KIAA1210: variants seen among roughly 807,000 people sequenced by gnomAD.
KIAA1210 encodes the protein acrosomal protein KIAA1210.
In KIAA1210, 48 loss-of-function variants were observed where a neutral mutation model predicts 78.9. That is an observed-to-expected ratio of 0.61 (90% CI 0.48 to 0.77). The LOEUF (loss-of-function observed/expected upper bound fraction) is 0.77, where lower values mean the gene tolerates loss of function less well. Ranked by LOEUF, KIAA1210 falls within the 30% of genes least tolerant of loss-of-function variation. The pLI is 0.00. For missense variants in KIAA1210, 1,108 were observed against 1,100.0 expected, an observed-to-expected ratio of 1.01 and a Z score of -0.10; for synonymous variants, 406 against 404.5, an observed-to-expected ratio of 1.00 and a Z score of -0.04.
chrX:119,091,436 T>A (rs1306343860), intron 8 of KIAA1210, among the ~76,000 whole-genome samples: 1 of 112,443 alleles, frequency 8.9e-6, no homozygotes, highest in Non-Finnish European at 1.9e-5. Flanking sequence ...CATATGTTTA[T>A]TGAAGCACAA....
intron 8 of KIAA1210, 51 bp downstream of exon 8, chrX:119,093,616 G>A: frequency 1.1e-6 from 1 of 945,353 alleles, no homozygotes; most frequent in Non-Finnish European, 1.5e-6. Context: ...ATAGCACTGT[G>A]CAATGAAGTC....
At chrX:119,096,400 T>G in intron 7 of KIAA1210, 94 bp downstream of exon 7, 7 of 841,275 alleles carry the variant, frequency 8.3e-6, no homozygotes, top group Admixed American at 3.1e-5. Context: ...ATGAGTCTCC[T>G]ACACCATACT....
intron 1 of KIAA1210, among the ~76,000 whole-genome samples, chrX:119,148,650 C>T (rs1450885555): frequency 9.0e-6 from 1 of 111,443 alleles, no homozygotes; most frequent in African/African-American, 3.3e-5. Context: ...TTATCTTGAA[C>T]AAGATCTATA....
upstream of KIAA1210, among the ~76,000 whole-genome samples, chrX:119,150,838 A>G (rs1929282662): frequency 8.9e-6 from 1 of 112,313 alleles, no homozygotes; most frequent in Non-Finnish European, 1.9e-5. Flanking sequence ...CGAGAGCACC[A>G]TTTGGGCGGT....
At chrX:119,140,348 G>GT (rs1173343823) in intron 2 of KIAA1210, among the ~76,000 whole-genome samples, 1 of 109,440 alleles carries the variant, frequency 9.1e-6, no homozygotes, top group Non-Finnish European at 1.9e-5. Flanking sequence ...GGCCGACATG[G>GT]TGAAACCCCA....
chrX:119,111,828 T>C (rs1189046362), intron 3 of KIAA1210, among the ~76,000 whole-genome samples: 3 of 111,609 alleles, frequency 2.7e-5, no homozygotes, highest in African/African-American at 9.8e-5. Flanking sequence ...AGAAAAAACA[T>C]AGGAGTAAAT....
At chrX:119,083,578 A>G (rs1296375395) in intron 10 of KIAA1210, among the ~76,000 whole-genome samples, 1 of 112,399 alleles carries the variant, frequency 8.9e-6, no homozygotes, top group Non-Finnish European at 1.9e-5. Context: ...CATTTCTCAC[A>G]TTAGAAAGTA....
intron 2 of KIAA1210, among the ~76,000 whole-genome samples, chrX:119,135,880 C>A (rs1928900982): frequency 9.0e-6 from 1 of 111,091 alleles, no homozygotes; most frequent in South Asian, 3.8e-4. Flanking sequence ...ATGTTGAAAC[C>A]CCGTCTCTAC....
At chrX:119,127,338 A>G (rs1325165296) in intron 1 of KIAA1210, among the ~76,000 whole-genome samples, 1 of 103,059 alleles carries the variant, frequency 9.7e-6, no homozygotes, top group Non-Finnish European at 1.9e-5. Context: ...ATAGAAAGGG[A>G]AAAAAAAAAC....
upstream of KIAA1210, among the ~76,000 whole-genome samples, chrX:119,128,571 C>G (rs899654884): frequency 2.7e-5 from 3 of 111,968 alleles, no homozygotes; most frequent in Admixed American, 2.8e-4. Flanking sequence ...TTGCATCATT[C>G]AAGCATCCAA....
chrX:119,145,806 G>A (rs1603273618), intron 2 of KIAA1210, among the ~76,000 whole-genome samples: 1 of 111,922 alleles, frequency 8.9e-6, no homozygotes, highest in South Asian at 3.8e-4. Context: ...AATTGAATGG[G>A]CTGTTTTAAT....
rs781683662 is a variant in KIAA1210 at position 119,086,898 on chromosome X, C to T, written c.3804G>A (p.Gly1268=). 5 of 1,211,172 alleles carry T rather than the reference C, an allele frequency of 4.1e-6. No individual in the cohort carries two copies. In the African/African-American group the frequency reaches 5.2e-5, roughly 13 times the overall value. The change falls in exon 9 of 12, where the codon GGG becomes GGA. Residue 1268 remains glycine, a synonymous_variant. Coordinates refer to ENST00000691062, the MANE Select transcript of KIAA1210 (RefSeq NM_001394962.1). ...GATCTTCTTTCTTAGAGTAAATGCC[C>T]CCAGAAGTGGATGTTTGCCTGACAG... ...IAPVRQTSTS[G]GIYSKKEDLE...
chrX:119,093,884 G>A (rs1277367263), intron 7 of KIAA1210, 109 bp from the exon 8 acceptor site: 2 of 865,453 alleles, frequency 2.3e-6, no homozygotes, highest in African/African-American at 2.0e-5. Flanking sequence ...TGCTGGGCAC[G>A]TAACAGTACC....
upstream of KIAA1210, among the ~76,000 whole-genome samples, chrX:119,151,024 A>C (rs1312185131): frequency 8.9e-6 from 1 of 112,543 alleles, no homozygotes; most frequent in African/African-American, 3.2e-5. Context: ...GCTGGGGTGC[A>C]TGGGAGCCCG....
chrX:119,108,627 G>C (rs1473906178), intron 4 of KIAA1210, among the ~76,000 whole-genome samples, 156 bp from the exon 5 acceptor site: 1 of 110,777 alleles, frequency 9.0e-6, no homozygotes, highest in African/African-American at 3.3e-5. Context: ...CACTTTGAGA[G>C]GCCAAGGCGG....
At chrX:119,105,428 C>T (rs1476569422) in intron 5 of KIAA1210, among the ~76,000 whole-genome samples, 2 of 112,128 alleles carry the variant, frequency 1.8e-5, no homozygotes, top group East Asian at 2.8e-4. Context: ...ATTGCTTGTT[C>T]GTGCAAGATC....
chrX:119,134,539 C>A (rs934865613), intron 2 of KIAA1210, among the ~76,000 whole-genome samples: 2 of 112,161 alleles, frequency 1.8e-5, no homozygotes, highest in Non-Finnish European at 3.8e-5. Flanking sequence ...ATTCCACACC[C>A]TCACCTGTGG....
At chrX:119,090,046 T>C (rs1220133276) in intron 8 of KIAA1210, among the ~76,000 whole-genome samples, 4 of 111,711 alleles carry the variant, frequency 3.6e-5, no homozygotes, top group African/African-American at 1.3e-4. Flanking sequence ...TTTGAACCTG[T>C]AACAATGACT....
At chrX:119,110,858 T>G (rs1271890194) in intron 3 of KIAA1210, among the ~76,000 whole-genome samples, 1 of 110,694 alleles carries the variant, frequency 9.0e-6, no homozygotes, top group Non-Finnish European at 1.9e-5. Flanking sequence ...CTTGTTAAGA[T>G]GGCAGTACTT....
Sources: gnomAD v4.1 joint callset for allele counts (sites outside exome capture counted in the v4.1 genomes callset) on GRCh38, gnomAD v4.1.1 for gene constraint, MANE v1.5 for transcripts, NCBI Gene and HGNC (gene_info 2026-07-23, HGNC 2026-07-21) for gene names.